RBFOX3: variants seen among roughly 807,000 people sequenced by gnomAD.
RBFOX3 encodes the protein RNA binding protein fox-1 homolog 3.
RBFOX3 carries 17 observed loss-of-function variants against 48.7 expected under a neutral mutation model. The observed-to-expected ratio is 0.35, with a 90% CI of 0.24 to 0.52. The LOEUF (loss-of-function observed/expected upper bound fraction) is 0.52. Ranked by LOEUF, RBFOX3 falls within the 20% of genes least tolerant of loss-of-function variation. The pLI, the probability that RBFOX3 is intolerant of heterozygous loss-of-function variation, is 0.94. For synonymous variants in RBFOX3, 212 were observed against 209.5 expected (o/e 1.01, Z -0.10); for missense variants, 382 against 497.5 (o/e 0.77, Z 2.21).
chr17:79,590,198 G>A (rs915993681), intron 1 of RBFOX3, among the ~76,000 whole-genome samples: 2 of 152,136 alleles, frequency 1.3e-5, no homozygotes, highest in Admixed American at 1.3e-4. Context: ...AAGAACCCCA[G>A]GGGACAAGGC....
intron 3 of RBFOX3, among the ~76,000 whole-genome samples, chr17:79,286,395 C>T (rs1175872711): frequency 2.0e-5 from 3 of 152,268 alleles, no homozygotes; most frequent in East Asian, 3.9e-4. Context: ...ACTCTCCTGT[C>T]CCCATCCCCT....
At chr17:79,531,841 C>G (rs2087828444) in intron 1 of RBFOX3, among the ~76,000 whole-genome samples, 1 of 152,244 alleles carries the variant, frequency 6.6e-6, no homozygotes, top group South Asian at 2.1e-4. Flanking sequence ...CAATCACGTT[C>G]TCCGTGACTC....
chr17:79,585,081 G>A (rs942115667), intron 1 of RBFOX3, among the ~76,000 whole-genome samples: 22,164 of 151,772 alleles, frequency 0.15, 2,593 homozygotes, highest in East Asian at 0.35. Context: ...TTGGATTTTG[G>A]GGACTCTGGG....
chr17:79,301,930 T>C (rs981589193), intron 3 of RBFOX3, among the ~76,000 whole-genome samples: 11 of 152,150 alleles, frequency 7.2e-5, no homozygotes, highest in Non-Finnish European at 2.9e-5. Flanking sequence ...GAACGCAGGA[T>C]GGAGACTGCT....
rs1407807451 is a variant in RBFOX3, at chr17:79,115,735, G to A, written c.-20C>T. ...GGCCATCGCTTCAGGCGGAGCCGTG[G>A]CGTCCTGATCGCTCTGTGGAAGGAG... On this transcript the variant is annotated 5_prime_UTR_variant, in exon 5 of 15. Transcript: ENST00000693108. 4.0e-6 allele frequency: 3 copies of A among 750,548 alleles called. No individual in the cohort carries two copies. The highest frequency in any genetic ancestry group is 6.7e-6 in the Non-Finnish European group (3 of 446,258). The allele number at this position is 750,548 out of a possible 1,614,324, so 46.5% of individuals were successfully genotyped here. A position where few individuals can be genotyped will look rare whatever the true frequency, so the allele number is the denominator to read the frequency against.
intron 8 of RBFOX3, 30 bp from the exon 9 acceptor site, chr17:79,101,674 G>A: frequency 6.5e-7 from 1 of 1,547,020 alleles, no homozygotes; most frequent in Non-Finnish European, 8.7e-7. Context: ...GAGAGAGGAA[G>A]AGGGAGGATT....
intron 1 of RBFOX3, among the ~76,000 whole-genome samples, chr17:79,559,623 G>GGT (rs2092047496): frequency 7.9e-5 from 3 of 38,142 alleles, no homozygotes; most frequent in Non-Finnish European, 9.1e-5. Flanking sequence ...GTAGATGGAT[G>GGT]GATGGGTGGA....
intron 2 of RBFOX3, among the ~76,000 whole-genome samples, chr17:79,377,183 G>T (rs901277183): frequency 6.6e-6 from 1 of 152,058 alleles, no homozygotes; most frequent in Non-Finnish European, 1.5e-5. Context: ...TATTTGTCTA[G>T]ACACACAGAG....
At chr17:79,380,352 C>T (rs568204018) in intron 2 of RBFOX3, among the ~76,000 whole-genome samples, 11 of 152,322 alleles carry the variant, frequency 7.2e-5, no homozygotes, top group Admixed American at 7.2e-4. Context: ...TTTTAATTTT[C>T]AATTATCTTC....
Position 79,215,782 on chromosome 17 carries a change from C to T in RBFOX3, c.-34+19984G>A, listed in dbSNP as rs536616219. Among the ~76,000 whole-genome samples, 9 of 152,404 alleles carry T rather than the reference C, an allele frequency of 5.9e-5. No homozygotes were observed. In the East Asian group the frequency reaches 1.7e-3, roughly 29 times the overall value. ...CACGCTGGGCACCGCCCTCTCTCAG[C>T]CTGCCCTGAAGCGGAGCACCCACTG... On this transcript the variant is annotated intron_variant, in intron 4 of 14. Coordinates refer to ENST00000693108, the MANE Select transcript of RBFOX3 (RefSeq NM_001350451.2).
chr17:79,639,326 C>G, the RBFOX3 span, among the ~76,000 whole-genome samples: 34 of 152,092 alleles, frequency 2.2e-4, no homozygotes, highest in African/African-American at 7.7e-4. Context: ...AGGCACCCAC[C>G]ACCGCGCCCG....
At position 79,438,658 on chromosome 17, in the gene RBFOX3, TG is replaced by T. The variant is rs370519062; in HGVS notation, c.-175+43795del. Reference sequence around the variant, plus strand: ...CACATAGGTGAAGTCAGGGGCTGGCTGGGGGTCTCCCCAGGGGCCAGCAGGG... The same window carrying T: ...CACATAGGTGAAGTCAGGGGCTGGCTGGGGTCTCCCCAGGGGCCAGCAGGG... On this transcript the variant is annotated intron_variant, in intron 2 of 14. Coordinates refer to ENST00000693108, the MANE Select transcript of RBFOX3 (RefSeq NM_001350451.2). Among the ~76,000 whole-genome samples the T allele has an allele frequency of 9.2e-5, 14 of 152,336 alleles. No individual in the cohort carries two copies. The East Asian group carries it at 1.5e-3, about 17-fold the overall frequency.
At chr17:79,320,188 G>A (rs1407353475) in intron 2 of RBFOX3, among the ~76,000 whole-genome samples, 1 of 152,196 alleles carries the variant, frequency 6.6e-6, no homozygotes, top group East Asian at 1.9e-4. Context: ...TGGTGGACTT[G>A]CTTCCTGACC....
chr17:79,270,121 G>A (rs985179418), intron 3 of RBFOX3, among the ~76,000 whole-genome samples: 24 of 152,090 alleles, frequency 1.6e-4, no homozygotes, highest in South Asian at 1.0e-3. Context: ...GTTCTCCTCC[G>A]TCCTCCTTCC....
intron 12 of RBFOX3, 34 bp downstream of exon 12, chr17:79,096,619 A>C: frequency 6.7e-7 from 1 of 1,496,824 alleles, no homozygotes; most frequent in Non-Finnish European, 9.1e-7. Context: ...AGAACGCCTG[A>C]TCCCACCCTC....
the RBFOX3 span, among the ~76,000 whole-genome samples, chr17:79,623,975 C>T: frequency 2.0e-5 from 3 of 152,190 alleles, no homozygotes; most frequent in Non-Finnish European, 2.9e-5. Flanking sequence ...AGCCAAGGAG[C>T]GCAAGCAGCC....
At chr17:79,556,839 T>C (rs966199495) in intron 1 of RBFOX3, among the ~76,000 whole-genome samples, 31 of 152,062 alleles carry the variant, frequency 2.0e-4, no homozygotes, top group Non-Finnish European at 1.0e-4. Context: ...GGGGACAGAA[T>C]CAAGGACTCC....
chr17:79,112,904 C>CGGGGCGGGGGGGGGGGGG (rs1555693090), intron 5 of RBFOX3, among the ~76,000 whole-genome samples: 1 of 10,368 alleles, frequency 9.6e-5, no homozygotes. Context: ...AGCAGGCTCT[C>CGGGGCGGGGGGGGGGGGG]GGGGGGGGGG....
At position 79,199,267 on chromosome 17, in the gene RBFOX3, C is replaced by T. The variant is rs1174308677; in HGVS notation, c.-34+36499G>A. 1.3e-5 allele frequency among the ~76,000 whole-genome samples: 2 copies of T among 152,186 alleles called. No individual in the cohort carries two copies. Among genetic ancestry groups the T allele is most frequent in the Non-Finnish European group, 2.9e-5 (2 of 68,030 alleles). ...TAGCCCCCCACCCTCGGCAGCACCA[C>T]CCACCAGCCCCTTCCGGTGGACTTC... On this transcript the variant is annotated intron_variant, in intron 4 of 14. Transcript: ENST00000693108. This position sits in a 1 kb window ranked among gnomAD's most constrained non-coding sequence, Gnocchi z 5.1.
Sources: gnomAD v4.1 joint callset for allele counts (sites outside exome capture counted in the v4.1 genomes callset) on GRCh38, gnomAD v4.1.1 for gene constraint, Gnocchi (gnomAD v3.1) non-coding constraint, MANE v1.5 for transcripts, NCBI Gene and HGNC (gene_info 2026-07-23, HGNC 2026-07-21) for gene names.